The following EFTUD2 variants were observed in gnomAD, a reference collection of about 807,000 sequenced individuals.
EFTUD2 encodes the protein 116 kDa U5 small nuclear ribonucleoprotein component.
A neutral mutation model predicts 114.3 loss-of-function variants in EFTUD2; 9 were observed. That is an observed-to-expected ratio of 0.08 (90% CI 0.05 to 0.14). The LOEUF (loss-of-function observed/expected upper bound fraction) is 0.14. Among genes scored for constraint, EFTUD2 ranks in the 10% least tolerant of loss-of-function variants. The pLI, the probability that EFTUD2 is intolerant of heterozygous loss-of-function variation, is 1.00. For synonymous variants in EFTUD2, 449 were observed against 462.3 expected (o/e 0.97, Z 0.37); for missense variants, 765 against 1,241.2 (o/e 0.62, Z 5.76).
intron 19 of EFTUD2, among the ~76,000 whole-genome samples, chr17:44,858,516 T>C (rs369784622): frequency 1.3e-5 from 2 of 152,168 alleles, no homozygotes; most frequent in East Asian, 1.9e-4. Flanking sequence ...TGGAGAGCAA[T>C]GGCACAATCA....
At chr17:44,883,214 C>T in intron 5 of EFTUD2, 56 bp from the exon 6 acceptor site, 14 of 1,548,716 alleles carry the variant, frequency 9.0e-6, no homozygotes, top group Non-Finnish European at 1.2e-5. Flanking sequence ...TTTACTGTGC[C>T]CTTCCCCCAG....
At position 44,876,847 on chromosome 17, in the gene EFTUD2, C is replaced by T. The variant is rs1213951416; in HGVS notation, c.703-747G>A. Among the ~76,000 whole-genome samples the T allele has an allele frequency of 3.8e-5, 4 of 104,460 alleles. No individual in the cohort carries two copies. The Admixed American group carries it at 4.4e-4, about 11-fold the overall frequency. The allele number at this position is 104,460 out of a possible 152,430, so 68.5% of individuals were successfully genotyped here. On this transcript the variant is annotated intron_variant, in intron 9 of 27. Coordinates refer to ENST00000426333, the MANE Select transcript of EFTUD2 (RefSeq NM_004247.4). Reference sequence around the variant, plus strand: ...CAGCCTGCTGGGCGACAGAGTGAGACTCCGTCTCAAAAAAAAAAAAAAAAA... The same window carrying T: ...CAGCCTGCTGGGCGACAGAGTGAGATTCCGTCTCAAAAAAAAAAAAAAAAA...
chr17:44,863,850 C>A, intron 14 of EFTUD2, 68 bp from the exon 15 acceptor site: 5 of 1,586,268 alleles, frequency 3.2e-6, no homozygotes, highest in South Asian at 2.3e-5. Flanking sequence ...AGTTACTGAG[C>A]CATTCACAAT....
Position 44,860,030 on chromosome 17 carries a change from G to T in EFTUD2, c.1735C>A (p.Pro579Thr). Residue 579 changes from proline (P) to threonine (T), a missense_variant, in exon 18 of 28, where the codon CCC becomes ACC. Pro to Thr is a conservative substitution (Grantham distance 38). This residue lies in a region of EFTUD2 where 149 missense variants were observed against 245.1 expected (regional missense o/e 0.61). Coordinates refer to ENST00000426333, the MANE Select transcript of EFTUD2 (RefSeq NM_004247.4). Reference sequence around the variant, plus strand: ...ACAGATGTGGTATTGAACTTCAAGGGTCGGAAAATCTGAGCCTGAGATCCA... The same window carrying T: ...ACAGATGTGGTATTGAACTTCAAGGTTCGGAAAATCTGAGCCTGAGATCCA... ...RGNEEAQIFRPLKFNTTSVIK... is the reference protein window; with the variant it reads ...RGNEEAQIFRTLKFNTTSVIK... The T allele has an allele frequency of 1.2e-6, 2 of 1,614,210 alleles. No homozygotes were observed. The highest frequency in any genetic ancestry group is 1.7e-6 in the Non-Finnish European group (2 of 1,180,046).
chr17:44,857,396 G>C (rs994483706), intron 19 of EFTUD2: 1 of 427,340 alleles, frequency 2.3e-6, no homozygotes, highest in African/African-American at 2.0e-5. Flanking sequence ...AGTAAGTGGG[G>C]TATCAAACTA....
intron 11 of EFTUD2, 155 bp from the exon 12 acceptor site, chr17:44,868,505 C>G: frequency 1.6e-6 from 1 of 629,056 alleles, no homozygotes; most frequent in Non-Finnish European, 2.7e-6. Flanking sequence ...AACGAGGACA[C>G]TGAGGCACAA....
Position 44,852,549 on chromosome 17 carries a change from G to C in EFTUD2, c.2575C>G (p.Gln859Glu). 1 of 1,614,112 alleles carries C rather than the reference G, an allele frequency of 6.2e-7. No homozygotes were observed. Among genetic ancestry groups the C allele is most frequent in the Middle Eastern group, 1.7e-4 (1 of 6,040 alleles). Residue 859 changes from glutamine to glutamate, a missense_variant, in exon 26 of 28, where the codon CAG (glutamine) becomes GAG (glutamate). Physicochemically the swap from Gln to Glu is conservative, Grantham distance 29 (BLOSUM62 2). This residue lies in a region of EFTUD2 where 166 missense variants were observed against 401.5 expected (regional missense o/e 0.41). Coordinates refer to ENST00000426333, the MANE Select transcript of EFTUD2 (RefSeq NM_004247.4). Reference protein sequence around the residue: ...VLARRRGHVTQDAPIPGSPLY... With the variant: ...VLARRRGHVTEDAPIPGSPLY... Reference sequence around the variant, plus strand: ...GGGGAGCCTGGGATGGGTGCATCCTGAGTCACGTGCCCCCTGAGACAGAAA... The same window carrying C: ...GGGGAGCCTGGGATGGGTGCATCCTCAGTCACGTGCCCCCTGAGACAGAAA...
At position 44,862,453 on chromosome 17, in the gene EFTUD2, TA is replaced by T. The variant is rs550554657; in HGVS notation, c.1607+259del. Among the ~76,000 whole-genome samples the T allele has an allele frequency of 9.0e-3, 1,327 of 147,656 alleles. 17 individuals are homozygous for T. The highest frequency in any genetic ancestry group is 9.3e-3 in the Non-Finnish European group (617 of 66,524). ...CTGTCTCAAAACAAACAAATAGGGC[TA>T]AAAAAAAAAGTTCACACGAGCCACC... On this transcript the variant is annotated intron_variant, in intron 16 of 27. Coordinates refer to ENST00000426333, the MANE Select transcript of EFTUD2 (RefSeq NM_004247.4).
intron 7 of EFTUD2, 86 bp downstream of exon 7, chr17:44,881,601 T>C: frequency 7.1e-7 from 1 of 1,406,014 alleles, no homozygotes; most frequent in South Asian, 1.2e-5. Flanking sequence ...TAAAATGCTA[T>C]CATAAAGGCT....
At chr17:44,863,416 C>T (rs553289144) in intron 15 of EFTUD2, 45 of 433,966 alleles carry the variant, frequency 1.0e-4, no homozygotes, top group African/African-American at 8.6e-4. Flanking sequence ...CAACCGCTCA[C>T]ATTTTATTAT....
chr17:44,865,543 T>C (rs555341752), intron 13 of EFTUD2, among the ~76,000 whole-genome samples: 1 of 152,172 alleles, frequency 6.6e-6, no homozygotes, highest in African/African-American at 2.4e-5. Flanking sequence ...CTATAAATTT[T>C]TTTTATTAAT....
At position 44,853,645 on chromosome 17, in the gene EFTUD2, A is replaced by T; in HGVS notation, c.2348-10T>A. The stretch of plus-strand genomic sequence containing the variant: ...TTGACATTCCGAATCACTGTAAAGG[A>T]GGTGGAGGGAGTGACTGGGGAGAGG... On this transcript the variant is annotated splice_polypyrimidine_tract_variant and intron_variant, in intron 23 of 27. Transcript: ENST00000426333. 6.2e-7 allele frequency: 1 copy of T among 1,612,922 alleles called. No homozygotes were observed. Among genetic ancestry groups the T allele is most frequent in the Non-Finnish European group, 8.5e-7 (1 of 1,179,054 alleles).
At chr17:44,852,638 T>TCCCCCACTTGCTGTCC (rs1654784339) in intron 25 of EFTUD2, 76 bp from the exon 26 acceptor site, 2 of 1,535,458 alleles carry the variant, frequency 1.3e-6, no homozygotes, top group Admixed American at 3.7e-5. Flanking sequence ...GCATTTGCTG[T>TCCCCCACTTGCTGTCC]CCCCCAAATG....
At chr17:44,880,475 C>T (rs1021812375) in intron 8 of EFTUD2, 79 bp downstream of exon 8, 9 of 1,074,366 alleles carry the variant, frequency 8.4e-6, no homozygotes, top group African/African-American at 7.8e-5. Flanking sequence ...TGCACTGCTC[C>T]GTTCTGCTCC....
intron 9 of EFTUD2, 132 bp from the exon 10 acceptor site, chr17:44,876,232 G>A (rs1482668149): frequency 3.7e-6 from 4 of 1,083,502 alleles, no homozygotes; most frequent in Non-Finnish European, 5.1e-6. Context: ...ATATTACTGG[G>A]TGGAAGCAGA....
intron 4 of EFTUD2, chr17:44,884,033 G>A (rs1033273756): frequency 1.1e-4 from 34 of 320,130 alleles, no homozygotes; most frequent in Admixed American, 2.0e-4. Context: ...TTGGGAGGCC[G>A]AGGTGGGTGG....
chr17:44,859,674 A>AC (rs147490132), intron 18 of EFTUD2: 1 of 605,514 alleles, frequency 1.7e-6, no homozygotes, highest in Admixed American at 2.9e-5. Context: ...CTTGTCCTAT[A>AC]CCCCCCATCA....
chr17:44,852,675 G>A lies in EFTUD2; in HGVS notation c.2562-113C>T, dbSNP rs1377092494. Reference sequence around the variant, plus strand: ...ATTCCAGCCCAGAGTTACCATCAAAGAAAGAGTAACCAAGAATGTTCTACA... The same window carrying A: ...ATTCCAGCCCAGAGTTACCATCAAAAAAAGAGTAACCAAGAATGTTCTACA... On this transcript the variant is annotated intron_variant, in intron 25 of 27. Coordinates refer to ENST00000426333, the MANE Select transcript of EFTUD2 (RefSeq NM_004247.4). The A allele has an allele frequency of 5.4e-6, 7 of 1,285,322 alleles. No individual in the cohort carries two copies. The Admixed American group carries it at 1.7e-4, about 31-fold the overall frequency. 79.6% of individuals were successfully genotyped at this position (1,285,322 alleles called of 1,614,324 possible). A position where few individuals can be genotyped will look rare whatever the true frequency, so the allele number is the denominator to read the frequency against.
At chr17:44,858,057 G>A (rs916272689) in intron 19 of EFTUD2, among the ~76,000 whole-genome samples, 7 of 151,778 alleles carry the variant, frequency 4.6e-5, no homozygotes, top group African/African-American at 1.7e-4. Context: ...GAGTAGCTGG[G>A]ATTACAGGTG....
Sources: gnomAD v4.1 joint callset for allele counts (sites outside exome capture counted in the v4.1 genomes callset) on GRCh38, gnomAD v4.1.1 for gene constraint, gnomAD v4.1.1 regional missense constraint, MANE v1.5 for transcripts, NCBI Gene and HGNC (gene_info 2026-07-23, HGNC 2026-07-21) for gene names.